The following POLH variants were observed in gnomAD, a reference collection of about 807,000 sequenced individuals.
The protein encoded by POLH is DNA polymerase eta, also known as DNA polymerase eta transcript.
In POLH, 53 loss-of-function variants were observed where a neutral mutation model predicts 73.6. The observed-to-expected ratio is 0.72, with a 90% CI of 0.58 to 0.91. The LOEUF (loss-of-function observed/expected upper bound fraction) is 0.91. POLH is among the 40% of genes least tolerant of loss of function. The pLI is 0.00. For synonymous variants in POLH, 292 were observed against 308.5 expected (o/e 0.95, Z 0.56); for missense variants, 768 against 865.4 (o/e 0.89, Z 1.41).
chr6:43,604,638 G>A lies in POLH; in HGVS notation c.908G>A (p.Arg303Gln), dbSNP rs765084986. ...KNGSWLYAMC[R>Q]GIEHDPVKPR... ...AGGTCTTGGCTATATGCCATGTGCC[G>A]AGGGATTGAACATGATCCAGTTAAA... The change falls in exon 8 of 11, where the codon CGA becomes CAA. Residue 303 changes from arginine (R) to glutamine (Q), a missense_variant. Transcript: ENST00000372236. 28 of 1,613,820 alleles carry A rather than the reference G, an allele frequency of 1.7e-5. No homozygotes were observed. Among genetic ancestry groups the A allele is most frequent in the Non-Finnish European group, 2.2e-5 (26 of 1,179,846 alleles).
chr6:43,581,892 C>T (rs947211758), intron 1 of POLH, among the ~76,000 whole-genome samples: 12 of 151,428 alleles, frequency 7.9e-5, no homozygotes, highest in African/African-American at 2.4e-4. Context: ...GCCTCCGGCG[C>T]CGCGACCTCC....
rs533053787 is a variant in POLH, at chr6:43,599,638, T to G, written c.661-1350T>G. Among the ~76,000 whole-genome samples the G allele has an allele frequency of 3.3e-3, 467 of 141,146 alleles. 1 individual carries two copies. Among genetic ancestry groups the G allele is most frequent in the Middle Eastern group, 0.012 (3 of 258 alleles). The allele number at this position is 141,146 out of a possible 152,430, so 92.6% of individuals were successfully genotyped here. A position where few individuals can be genotyped will look rare whatever the true frequency, so the allele number is the denominator to read the frequency against. ...ACTACCCATCTGAATTTTTTTGGTG[T>G]TTTTTTTTTTCCTGGTTGGATGAAG... On this transcript the variant is annotated intron_variant, in intron 5 of 10. Coordinates refer to ENST00000372236, the MANE Select transcript of POLH (RefSeq NM_006502.3).
intron 4 of POLH, among the ~76,000 whole-genome samples, chr6:43,593,435 A>G (rs1464621006): frequency 6.6e-6 from 1 of 152,234 alleles, no homozygotes; most frequent in Non-Finnish European, 1.5e-5. Flanking sequence ...AGATTTAACT[A>G]TAAATTTGTA....
intron 4 of POLH, among the ~76,000 whole-genome samples, chr6:43,594,047 T>C (rs904997842): frequency 1.3e-5 from 2 of 152,106 alleles, no homozygotes; most frequent in African/African-American, 4.8e-5. Context: ...TAAAAAGCAT[T>C]GTAGGGAAAT....
Position 43,619,194 on chromosome 6 carries a change from T to C in POLH, c.*4637T>C, listed in dbSNP as rs1057365346. ...GAGTTCAAAACCGGCCTAAGCCACA[T>C]GGCAAAACAGTCTTTACAAAAAATA... On this transcript the variant is annotated 3_prime_UTR_variant, in exon 11 of 11. Transcript: ENST00000372236. 5.9e-5 allele frequency among the ~76,000 whole-genome samples: 9 copies of C among 151,878 alleles called. No individual in the cohort carries two copies. The highest frequency in any genetic ancestry group is 2.2e-4 in the African/African-American group (9 of 41,354).
intron 4 of POLH, among the ~76,000 whole-genome samples, chr6:43,596,091 A>G (rs1396465857): frequency 6.6e-6 from 1 of 152,206 alleles, no homozygotes; most frequent in African/African-American, 2.4e-5. Context: ...CTAGAAAGCT[A>G]GCTAGAATAG....
In POLH at chr6:43,597,689, A is replaced by G; in HGVS notation, c.491-7A>G. 6.2e-7 allele frequency: 1 copy of G among 1,612,202 alleles called. No homozygotes were observed. The highest frequency in any genetic ancestry group is 8.5e-7 in the Non-Finnish European group (1 of 1,178,270). ...ATGTCTAAATGTGAGTTCTTAATTC[A>G]TTTCAGAGGGGATGCGAAAACAAGG... is the stretch of plus-strand genomic sequence containing the variant. On this transcript the variant is annotated splice_polypyrimidine_tract_variant and splice_region_variant and intron_variant, in intron 4 of 10. Coordinates refer to ENST00000372236, the MANE Select transcript of POLH (RefSeq NM_006502.3).
At chr6:43,604,854 C>G in intron 8 of POLH, 116 bp downstream of exon 8, 2 of 1,066,254 alleles carry the variant, frequency 1.9e-6, no homozygotes, top group Non-Finnish European at 2.9e-6. Context: ...ATGAAGAAAA[C>G]AGATGTTCTG....
chr6:43,579,204 T>C (rs982621994), intron 1 of POLH, among the ~76,000 whole-genome samples: 2 of 152,212 alleles, frequency 1.3e-5, no homozygotes, highest in African/African-American at 4.8e-5. Flanking sequence ...AAAGCAGGAC[T>C]CTAATCTTCC....
intron 1 of POLH, among the ~76,000 whole-genome samples, chr6:43,580,709 C>T (rs1456243878): frequency 3.7e-5 from 5 of 135,182 alleles, no homozygotes; most frequent in Admixed American, 1.4e-4. Flanking sequence ...GCTGGCCGGG[C>T]GGGGGGCCGA....
intron 1 of POLH, among the ~76,000 whole-genome samples, chr6:43,579,217 T>C (rs1285187164): frequency 6.6e-6 from 1 of 152,210 alleles, no homozygotes; most frequent in Non-Finnish European, 1.5e-5. Flanking sequence ...AATCTTCCCC[T>C]GCCTTTCTGA....
intron 4 of POLH, 79 bp from the exon 5 acceptor site, chr6:43,597,617 T>C: frequency 7.5e-7 from 1 of 1,341,586 alleles, no homozygotes; most frequent in Non-Finnish European, 1.1e-6. Context: ...ACCTGTAATC[T>C]AAGCATTTCT....
At position 43,617,754 on chromosome 6, in the gene POLH, C is replaced by T. The variant is rs986635602; in HGVS notation, c.*3197C>T. Among the ~76,000 whole-genome samples the T allele has an allele frequency of 6.6e-6, 1 of 152,034 alleles. No individual in the cohort carries two copies. The highest frequency in any genetic ancestry group is 2.4e-5 in the African/African-American group (1 of 41,400). On this transcript the variant is annotated 3_prime_UTR_variant, in exon 11 of 11. Coordinates refer to ENST00000372236, the MANE Select transcript of POLH (RefSeq NM_006502.3). Reference sequence around the variant, plus strand: ...GCCATCCTGGCCAACATGGTGAAACCCCGTCTCTACTGAAAATACAACTGG... The same window carrying T: ...GCCATCCTGGCCAACATGGTGAAACTCCGTCTCTACTGAAAATACAACTGG...
At chr6:43,611,187 G>A (rs946493312) in intron 10 of POLH, among the ~76,000 whole-genome samples, 3 of 152,180 alleles carry the variant, frequency 2.0e-5, no homozygotes, top group South Asian at 2.1e-4. Flanking sequence ...ATCCTTTGCC[G>A]ACAGCTGATA....
At chr6:43,607,897 G>A (rs907413871) in intron 9 of POLH, among the ~76,000 whole-genome samples, 3 of 152,174 alleles carry the variant, frequency 2.0e-5, no homozygotes, top group Non-Finnish European at 2.9e-5. Flanking sequence ...TTTGGAGGCC[G>A]AGGTGGGCAG....
chr6:43,604,768 C>G, intron 8 of POLH, 30 bp downstream of exon 8: 1 of 1,613,562 alleles, frequency 6.2e-7, no homozygotes, highest in Non-Finnish European at 8.5e-7. Flanking sequence ...AGAACACTAC[C>G]TCTTTTAAAG....
intron 7 of POLH, 111 bp downstream of exon 7, chr6:43,604,122 CTTGAGA>C (rs991364932): frequency 1.1e-5 from 10 of 910,016 alleles, no homozygotes; most frequent in East Asian, 5.1e-5. Flanking sequence ...ACATTTGTTT[CTTGAGA>C]TTATTTCACT....
In POLH at chr6:43,614,823, G is replaced by A. The variant is rs1197376160; in HGVS notation, c.*266G>A. The A allele has an allele frequency of 3.1e-5, 14 of 445,182 alleles. No individual in the cohort carries two copies. Among genetic ancestry groups the A allele is most frequent in the Admixed American group, 3.9e-5 (1 of 25,882 alleles). 27.6% of individuals were successfully genotyped at this position (445,182 alleles called of 1,614,324 possible). A position where few individuals can be genotyped will look rare whatever the true frequency, so the allele number is the denominator to read the frequency against. On this transcript the variant is annotated 3_prime_UTR_variant, in exon 11 of 11. Transcript: ENST00000372236. ...GAGGCAGTGTCATAAAGTAAAAAGTGTGTGGGCCTTGGAGTCTAAGAGACG... is the reference window on the plus strand; with the variant it reads ...GAGGCAGTGTCATAAAGTAAAAAGTATGTGGGCCTTGGAGTCTAAGAGACG...
At chr6:43,581,575 G>A (rs62402423) in intron 1 of POLH, among the ~76,000 whole-genome samples, 2 of 150,378 alleles carry the variant, frequency 1.3e-5, no homozygotes, top group Non-Finnish European at 3.0e-5. Context: ...CGCGGGGCCC[G>A]TCCGCTCCTC....
Sources: gnomAD v4.1 joint callset for allele counts (sites outside exome capture counted in the v4.1 genomes callset) on GRCh38, gnomAD v4.1.1 for gene constraint, MANE v1.5 for transcripts, NCBI Gene and HGNC (gene_info 2026-07-23, HGNC 2026-07-21) for gene names.